The following ACSL3 variants were observed in gnomAD, a reference collection of about 807,000 sequenced individuals.
ACSL3 encodes acyl-CoA synthetase long chain family member 3.
A neutral mutation model predicts 84.7 loss-of-function variants in ACSL3; 34 were observed. The observed-to-expected ratio is 0.40, with a 90% CI of 0.31 to 0.53. The LOEUF (loss-of-function observed/expected upper bound fraction) is 0.53, where lower values mean the gene tolerates loss of function less well. ACSL3 is among the 20% of genes least tolerant of loss of function. The pLI is 0.48. For synonymous variants in ACSL3, 315 were observed against 299.4 expected, an observed-to-expected ratio of 1.05 and a Z score of -0.54; for missense variants, 680 against 873.1, an observed-to-expected ratio of 0.78 and a Z score of 2.79.
chr2:222,894,074 TTAA>T (rs1328427161), intron 2 of ACSL3, among the ~76,000 whole-genome samples: 2 of 152,224 alleles, frequency 1.3e-5, no homozygotes, highest in Non-Finnish European at 2.9e-5. Flanking sequence ...GACTATGATA[TTAA>T]TAATATTATT....
At chr2:222,912,228 T>G (rs1054768533) in intron 4 of ACSL3, among the ~76,000 whole-genome samples, 3 of 152,250 alleles carry the variant, frequency 2.0e-5, no homozygotes, top group African/African-American at 4.8e-5. Flanking sequence ...TTAGTTTCTG[T>G]TCATTCTGTG....
intron 9 of ACSL3, 107 bp from the exon 10 acceptor site, chr2:222,922,971 C>A: frequency 7.3e-7 from 1 of 1,367,290 alleles, no homozygotes; most frequent in Non-Finnish European, 1.0e-6. Context: ...GCTTCTTAGA[C>A]TGTAAGTACA....
intron 1 of ACSL3, among the ~76,000 whole-genome samples, chr2:222,879,533 T>G (rs529738497): frequency 6.6e-6 from 1 of 152,340 alleles, no homozygotes; most frequent in Non-Finnish European, 1.5e-5. Flanking sequence ...TTTATTCAGC[T>G]TTGTCTGTGG....
At chr2:222,866,198 T>C (rs1486016727) in intron 1 of ACSL3, among the ~76,000 whole-genome samples, 1 of 151,902 alleles carries the variant, frequency 6.6e-6, no homozygotes, top group African/African-American at 2.4e-5. Context: ...CTGGCTGGAG[T>C]GCAGTGGCAT....
At chr2:222,867,880 T>TA (rs754735497) in intron 1 of ACSL3, among the ~76,000 whole-genome samples, 8 of 152,126 alleles carry the variant, frequency 5.3e-5, no homozygotes, top group Non-Finnish European at 1.0e-4. Context: ...TGAGCTAAGG[T>TA]ACCATTCTTT....
intron 8 of ACSL3, among the ~76,000 whole-genome samples, chr2:222,922,060 T>G (rs191366498): frequency 1.3e-5 from 2 of 152,306 alleles, no homozygotes; most frequent in Non-Finnish European, 2.9e-5. Flanking sequence ...GAATGTCTCT[T>G]ACGTATGCAT....
intron 1 of ACSL3, among the ~76,000 whole-genome samples, chr2:222,862,225 C>T (rs952359415): frequency 1.3e-5 from 2 of 152,174 alleles, no homozygotes; most frequent in Non-Finnish European, 1.5e-5. Context: ...TGTTAACAGT[C>T]CTCTGGGGTG....
intron 1 of ACSL3, among the ~76,000 whole-genome samples, chr2:222,880,846 C>T (rs200167185): frequency 7.0e-6 from 1 of 142,636 alleles, no homozygotes; most frequent in African/African-American, 2.6e-5. Context: ...AAAAAAAAAA[C>T]AAAAAAAAAC....
intron 12 of ACSL3, among the ~76,000 whole-genome samples, chr2:222,927,391 T>G (rs1239673304): frequency 1.3e-5 from 2 of 152,196 alleles, no homozygotes; most frequent in African/African-American, 4.8e-5. Flanking sequence ...TCTGGAGAAG[T>G]TTTTATATCA....
intron 1 of ACSL3, among the ~76,000 whole-genome samples, chr2:222,874,173 C>T (rs923228997): frequency 3.9e-5 from 6 of 152,136 alleles, no homozygotes; most frequent in Non-Finnish European, 8.8e-5. Context: ...CAGGTGCGCA[C>T]CACCACACCC....
intron 1 of ACSL3, among the ~76,000 whole-genome samples, chr2:222,878,309 G>C (rs536318474): frequency 9.8e-5 from 15 of 152,292 alleles, no homozygotes; most frequent in African/African-American, 3.4e-4. Flanking sequence ...TGGTAAATAT[G>C]TACTAACTGG....
chr2:222,874,990 A>G (rs1365961948), intron 1 of ACSL3, among the ~76,000 whole-genome samples: 2 of 152,132 alleles, frequency 1.3e-5, no homozygotes, highest in African/African-American at 2.4e-5. Context: ...TGAAGAATTA[A>G]AAATCTTCAT....
rs765135459 is a variant in ACSL3 at position 222,943,498 on chromosome 2, A to G, written c.*1844A>G. The G allele has an allele frequency of 6.0e-6, 1 of 167,050 alleles. No homozygotes were observed. The highest frequency in any genetic ancestry group is 1.3e-5 in the Non-Finnish European group (1 of 76,742). The allele number at this position is 167,050 out of a possible 1,614,324, so 10.3% of individuals were successfully genotyped here. A position where few individuals can be genotyped will look rare whatever the true frequency, so the allele number is the denominator to read the frequency against. On this transcript the variant is annotated 3_prime_UTR_variant, in exon 17 of 17. Transcript: ENST00000357430. Reference sequence around the variant, plus strand: ...CTAGGAAAAAAGTGTGAATGCTTCAAAGGAGAGATACTGATAATTGTGACT... The same window carrying G: ...CTAGGAAAAAAGTGTGAATGCTTCAGAGGAGAGATACTGATAATTGTGACT...
chr2:222,885,575 A>C (rs1695699099), intron 1 of ACSL3, among the ~76,000 whole-genome samples: 1 of 152,224 alleles, frequency 6.6e-6, no homozygotes, highest in African/African-American at 2.4e-5. Context: ...TGAATTATAT[A>C]TAGCACTGTT....
intron 11 of ACSL3, 46 bp from the exon 12 acceptor site, chr2:222,926,971 C>T: frequency 6.3e-7 from 1 of 1,581,844 alleles, no homozygotes; most frequent in Non-Finnish European, 8.6e-7. Context: ...TTTGGAAAAT[C>T]CCATTCAGTT....
Position 222,941,749 on chromosome 2 carries a change from C to A in ACSL3, c.*95C>A, listed in dbSNP as rs545366745. On this transcript the variant is annotated 3_prime_UTR_variant, in exon 17 of 17. Transcript: ENST00000357430. ...CTCAAGCTGCAAGGCAAACTCCATT[C>A]CTCATATTAAACTATTACTTCTCAT... 1.6e-5 allele frequency: 22 copies of A among 1,345,738 alleles called. No individual in the cohort carries two copies. In the African/African-American group the frequency reaches 2.9e-4, roughly 18 times the overall value. 83.4% of individuals were successfully genotyped at this position (1,345,738 alleles called of 1,614,324 possible). A position where few individuals can be genotyped will look rare whatever the true frequency, so the allele number is the denominator to read the frequency against.
At chr2:222,872,736 C>T (rs1695337528) in intron 1 of ACSL3, among the ~76,000 whole-genome samples, 1 of 151,912 alleles carries the variant, frequency 6.6e-6, no homozygotes, top group Non-Finnish European at 1.5e-5. Context: ...TGAGAGGCTT[C>T]TCTGAGGAAG....
chr2:222,937,478 G>T (rs1697204372), intron 16 of ACSL3, among the ~76,000 whole-genome samples: 1 of 152,038 alleles, frequency 6.6e-6, no homozygotes, highest in South Asian at 2.1e-4. Flanking sequence ...CATATATTTA[G>T]AAACACTCAA....
At chr2:222,871,970 C>T (rs1212320019) in intron 1 of ACSL3, among the ~76,000 whole-genome samples, 3 of 151,868 alleles carry the variant, frequency 2.0e-5, no homozygotes, top group African/African-American at 7.3e-5. Context: ...ACCCCCGACT[C>T]CCTTGTTTTT....
Sources: allele counts gnomAD v4.1 joint callset (sites outside exome capture counted in the v4.1 genomes callset), GRCh38; gene constraint gnomAD v4.1.1; transcripts MANE v1.5; gene names NCBI Gene and HGNC (gene_info 2026-07-23, HGNC 2026-07-21).